SLK: variants seen among roughly 807,000 people sequenced by gnomAD.
SLK encodes the protein STE20 like kinase.
SLK carries 67 observed loss-of-function variants against 147.7 expected under a neutral mutation model. The ratio of observed to expected loss-of-function variants is 0.45; its 90% CI spans 0.37 to 0.56. The LOEUF (loss-of-function observed/expected upper bound fraction) is 0.56, where lower values mean the gene tolerates loss of function less well. Ranked by LOEUF, SLK falls within the 20% of genes least tolerant of loss-of-function variation. The pLI, the probability that SLK is intolerant of heterozygous loss-of-function variation, is 0.00. For missense variants in SLK, 1,136 were observed against 1,438.8 expected (o/e 0.79, Z 3.41); for synonymous variants, 441 against 475.0 (o/e 0.93, Z 0.93).
At chr10:104,025,272 T>G (rs1349708587) in intron 18 of SLK, among the ~76,000 whole-genome samples, 1 of 152,200 alleles carries the variant, frequency 6.6e-6, no homozygotes, top group African/African-American at 2.4e-5. Flanking sequence ...TACATCATTA[T>G]CACATTTATA....
intron 18 of SLK, among the ~76,000 whole-genome samples, chr10:104,024,354 A>G (rs1394445235): frequency 6.6e-6 from 1 of 152,212 alleles, no homozygotes; most frequent in Non-Finnish European, 1.5e-5. Context: ...ACTGATGTTG[A>G]GAAATCTTCA....
intron 12 of SLK, among the ~76,000 whole-genome samples, chr10:104,009,819 G>A (rs1844376437): frequency 6.6e-6 from 1 of 151,750 alleles, no homozygotes; most frequent in African/African-American, 2.4e-5. Flanking sequence ...TCTTGCATTT[G>A]GGGAGTCTCT....
intron 13 of SLK, among the ~76,000 whole-genome samples, chr10:104,013,287 A>G (rs891762113): frequency 1.3e-5 from 2 of 152,248 alleles, no homozygotes; most frequent in Admixed American, 1.3e-4. Context: ...GAAAGAAGCA[A>G]CTATGGGAGT....
chr10:104,005,558 C>T lies in SLK; in HGVS notation c.2350-3C>T, dbSNP rs1420140817. The stretch of plus-strand genomic sequence containing the variant: ...AGCCTAACTAAAATAAAATCTCACT[C>T]AGGAAACAAGAAGACAAAAGAAAAC... On this transcript the variant is annotated splice_polypyrimidine_tract_variant and splice_region_variant and intron_variant, in intron 9 of 18. Transcript: ENST00000369755. 6.3e-7 allele frequency: 1 copy of T among 1,599,238 alleles called. No homozygotes were observed. Among genetic ancestry groups the T allele is most frequent in the Non-Finnish European group, 8.5e-7 (1 of 1,175,930 alleles).
intron 12 of SLK, among the ~76,000 whole-genome samples, chr10:104,009,982 T>C (rs1844379463): frequency 6.6e-6 from 1 of 152,152 alleles, no homozygotes; most frequent in Non-Finnish European, 1.5e-5. Flanking sequence ...TGTAAACACA[T>C]GATTGTTTTT....
chr10:104,021,408 T>C (rs805675), intron 17 of SLK, among the ~76,000 whole-genome samples: 32,112 of 152,184 alleles, frequency 0.21, 3,756 homozygotes, highest in African/African-American at 0.31. Flanking sequence ...GTTCTTTTTA[T>C]ATGGTATGTA....
In SLK at chr10:104,003,018, G is replaced by A; in HGVS notation, c.1840G>A (p.Gly614Ser). The A allele has an allele frequency of 1.2e-6, 2 of 1,613,422 alleles. No individual in the cohort carries two copies. The change falls in exon 9 of 19, where the codon GGT becomes AGT. Residue 614 changes from glycine to serine, a missense_variant. Coordinates refer to ENST00000369755, the MANE Select transcript of SLK (RefSeq NM_014720.4). ...AGTTGAAATGAATGAAATAGAAGAA[G>A]GTAAAAATAAGGAACAAGCAATAAA... ...EIVEMNEIEEGKNKEQAINSS... is the reference protein window; with the variant it reads ...EIVEMNEIEESKNKEQAINSS...
chr10:103,972,265 A>G (rs1217049790), intron 1 of SLK, among the ~76,000 whole-genome samples: 1 of 152,218 alleles, frequency 6.6e-6, no homozygotes, highest in Non-Finnish European at 1.5e-5. Flanking sequence ...CATGAGTTTC[A>G]CTAAGAGTTA....
rs942648787 is a variant in SLK, at chr10:103,986,675, T to G, written c.151-4000T>G. Among the ~76,000 whole-genome samples, 17 of 139,324 alleles carry G rather than the reference T, an allele frequency of 1.2e-4. No homozygotes were observed. The South Asian group carries it at 3.2e-3, about 27-fold the overall frequency. 91.4% of individuals were successfully genotyped at this position (139,324 alleles called of 152,430 possible). On this transcript the variant is annotated intron_variant, in intron 1 of 18. Transcript: ENST00000369755. The stretch of plus-strand genomic sequence containing the variant: ...TAAGCCTTTATGTGAAGAGTTTTTT[T>G]TTTTTTTTTTTTTTTTTCCCTGAGA...
At position 104,029,057 on chromosome 10, in the gene SLK, G is replaced by A. The variant is rs1352338253; in HGVS notation, c.*3337G>A. 4 of 152,136 alleles carry A rather than the reference G, an allele frequency of 2.6e-5. No homozygotes were observed. The highest frequency in any genetic ancestry group is 1.5e-5 in the Non-Finnish European group (1 of 68,022). 9.4% of individuals were successfully genotyped at this position (152,136 alleles called of 1,614,324 possible). A position where few individuals can be genotyped will look rare whatever the true frequency, so the allele number is the denominator to read the frequency against. ...AATTTTGGCGGAGAGTGTTTGCCAGGTTTCAATGTGGGCTGCAGCTTTTTG... is the reference window on the plus strand; with the variant it reads ...AATTTTGGCGGAGAGTGTTTGCCAGATTTCAATGTGGGCTGCAGCTTTTTG... On this transcript the variant is annotated 3_prime_UTR_variant, in exon 19 of 19. Transcript: ENST00000369755.
At chr10:103,997,217 G>A (rs1215253010) in intron 4 of SLK, among the ~76,000 whole-genome samples, 1 of 152,128 alleles carries the variant, frequency 6.6e-6, no homozygotes, top group Non-Finnish European at 1.5e-5. Context: ...TTACCATAAC[G>A]TTCTCAAGGT....
intron 1 of SLK, among the ~76,000 whole-genome samples, chr10:103,977,823 CTTA>C: frequency 6.6e-6 from 1 of 152,190 alleles, no homozygotes; most frequent in South Asian, 2.1e-4. Flanking sequence ...ATTGAGTGCT[CTTA>C]TTGTTTATTT....
chr10:104,012,645 C>T (rs1844414440), intron 13 of SLK, among the ~76,000 whole-genome samples: 1 of 152,218 alleles, frequency 6.6e-6, no homozygotes, highest in Non-Finnish European at 1.5e-5. Flanking sequence ...CCAGGATTCT[C>T]ATCCAGATAA....
intron 7 of SLK, 143 bp from the exon 8 acceptor site, chr10:104,001,301 A>G (rs1844244716): frequency 1.6e-6 from 1 of 631,430 alleles, no homozygotes; most frequent in Non-Finnish European, 2.7e-6. Flanking sequence ...TCTTTCTCAG[A>G]TGTAGCATTA....
chr10:104,023,294 T>C (rs805678), intron 18 of SLK, among the ~76,000 whole-genome samples: 112,123 of 152,176 alleles, frequency 0.74, 41,438 homozygotes, highest in East Asian at 0.86. Context: ...ATGATTTTAT[T>C]GCTAGTCATG....
chr10:104,003,597 G>T (rs975104054), intron 9 of SLK, 70 bp downstream of exon 9: 38 of 1,282,904 alleles, frequency 3.0e-5, no homozygotes, highest in Non-Finnish European at 3.1e-5. Context: ...ATGTGAAATT[G>T]ATGTCTTGAA....
rs1843959619 is a variant in SLK at position 103,982,513 on chromosome 10, AAAGTAT to A, written c.151-8160_151-8155del. 2.0e-5 allele frequency among the ~76,000 whole-genome samples: 3 copies of A among 152,346 alleles called. 1 individual carries two copies. In the South Asian group the frequency reaches 6.2e-4, roughly 32 times the overall value. On this transcript the variant is annotated intron_variant, in intron 1 of 18. Coordinates refer to ENST00000369755, the MANE Select transcript of SLK (RefSeq NM_014720.4). ...TGTGAAGAAAATATAAGGAGAATAT[AAAGTAT>A]ATTTCTTTCTCTTTTGCAGATTTCA... is the stretch of plus-strand genomic sequence containing the variant.
At chr10:103,995,427 T>TTTC (rs1256666143) in intron 4 of SLK, among the ~76,000 whole-genome samples, 7 of 88,562 alleles carry the variant, frequency 7.9e-5, no homozygotes, top group Non-Finnish European at 1.3e-4. Flanking sequence ...TCTTTTCTTT[T>TTTC]TTTTTTTTTT....
chr10:103,968,178 T>A (rs1843744378), intron 1 of SLK, among the ~76,000 whole-genome samples: 1 of 152,206 alleles, frequency 6.6e-6, no homozygotes, highest in South Asian at 2.1e-4. Context: ...GTTCTTTAAT[T>A]TATAGGAGGG....
Sources: allele counts gnomAD v4.1 joint callset (sites outside exome capture counted in the v4.1 genomes callset), GRCh38; gene constraint gnomAD v4.1.1; transcripts MANE v1.5; gene names NCBI Gene and HGNC (gene_info 2026-07-23, HGNC 2026-07-21).